Variants in TTC28 observed in about 807,000 individuals in gnomAD.
TTC28 encodes tetratricopeptide repeat domain 28.
Under a neutral mutation model 198.0 loss-of-function variants are expected in TTC28, and 61 were observed. The observed-to-expected ratio is 0.31, with a 90% CI of 0.25 to 0.38. The LOEUF is 0.38. Ranked by LOEUF, TTC28 falls within the 10% of genes least tolerant of loss-of-function variation. TTC28 has a pLI of 1.00. For synonymous variants in TTC28, 1,171 were observed against 1,297.8 expected, an observed-to-expected ratio of 0.90 and a Z score of 2.10; for missense variants, 2,678 against 3,164.0, an observed-to-expected ratio of 0.85 and a Z score of 3.69.
At chr22:28,365,267 G>C (rs1276246322) in intron 2 of TTC28, among the ~76,000 whole-genome samples, 1 of 152,168 alleles carries the variant, frequency 6.6e-6, no homozygotes, top group Non-Finnish European at 1.5e-5. Context: ...ACACTTAATA[G>C]ACTACATTAC....
intron 12 of TTC28, among the ~76,000 whole-genome samples, chr22:28,033,851 C>T (rs972533767): frequency 2.0e-5 from 3 of 152,168 alleles, no homozygotes; most frequent in African/African-American, 7.2e-5. Context: ...CCCAGACACT[C>T]AGCTGGGGCT....
chr22:28,652,042 A>G lies in TTC28; in HGVS notation c.103-22212T>C, dbSNP rs565155244. Among the ~76,000 whole-genome samples, 6 of 148,660 alleles carry G rather than the reference A, an allele frequency of 4.0e-5. No individual in the cohort carries two copies. In the East Asian group the frequency reaches 1.0e-3, roughly 26 times the overall value. On this transcript the variant is annotated intron_variant, in intron 1 of 22. Transcript: ENST00000397906. ...TTTAGTAGAGACAGGGTTTCACCAC[A>G]TTGGCCAGGCTGGTCTCGAACTCCT... is the stretch of plus-strand genomic sequence containing the variant.
chr22:28,141,906 CAA>C (rs766424172), intron 6 of TTC28, among the ~76,000 whole-genome samples: 2 of 152,030 alleles, frequency 1.3e-5, no homozygotes, highest in African/African-American at 2.4e-5. Context: ...TTTATTACAC[CAA>C]AAGAGTCTCT....
chr22:28,233,016 C>T (rs1360235016), intron 5 of TTC28, among the ~76,000 whole-genome samples: 2 of 151,752 alleles, frequency 1.3e-5, no homozygotes, highest in African/African-American at 4.8e-5. Flanking sequence ...GCAGGAGAAT[C>T]GCTTGAACCC....
intron 2 of TTC28, among the ~76,000 whole-genome samples, chr22:28,577,055 T>C (rs925270037): frequency 6.6e-6 from 1 of 152,054 alleles, no homozygotes; most frequent in African/African-American, 2.4e-5. Flanking sequence ...TAAAGATGCA[T>C]TGTTAGATTG....
chr22:27,988,370 C>G (rs778812056), intron 21 of TTC28, among the ~76,000 whole-genome samples: 9 of 151,102 alleles, frequency 6.0e-5, no homozygotes, highest in Non-Finnish European at 1.2e-4. Context: ...TCACAGCAAC[C>G]TCCGCCTCCT....
At position 28,001,536 on chromosome 22, in the gene TTC28, G is replaced by A. The variant is rs899892658; in HGVS notation, c.4236C>T (p.Ser1412=). 3.9e-5 allele frequency: 61 copies of A among 1,550,826 alleles called. No homozygotes were observed. The highest frequency in any genetic ancestry group is 3.6e-5 in the Non-Finnish European group (41 of 1,146,816). The change falls in exon 15 of 23, where the codon AGC becomes AGT. Residue 1412 remains serine, a synonymous_variant. Coordinates refer to ENST00000397906, the MANE Select transcript of TTC28 (RefSeq NM_001145418.2). ...APMEGGLMHS[S]GPVGRHRQLI... ...GCTGCCGGTGCCGGCCCACGGGGCC[G>A]CTGGAGTGCATCAGGCCCTATGGAG... is the stretch of plus-strand genomic sequence containing the variant.
chr22:28,336,219 T>C (rs902337177), intron 2 of TTC28, among the ~76,000 whole-genome samples: 1 of 152,228 alleles, frequency 6.6e-6, no homozygotes, highest in African/African-American at 2.4e-5. Flanking sequence ...AGCTTGTTGA[T>C]GTGCTGCTGG....
At position 28,515,557 on chromosome 22, in the gene TTC28, C is replaced by T. The variant is rs1601496166; in HGVS notation, c.381+113995G>A. On this transcript the variant is annotated intron_variant, in intron 2 of 22. Coordinates refer to ENST00000397906, the MANE Select transcript of TTC28 (RefSeq NM_001145418.2). Reference sequence around the variant, plus strand: ...AAATAGCAGAGCTCTCGAGCACAAACTGTTCAGGGTTTTAAGGTAAATGTC... The same window carrying T: ...AAATAGCAGAGCTCTCGAGCACAAATTGTTCAGGGTTTTAAGGTAAATGTC... Among the ~76,000 whole-genome samples, 3 of 152,270 alleles carry T rather than the reference C, an allele frequency of 2.0e-5. No individual in the cohort carries two copies. The East Asian group carries it at 5.8e-4, about 29-fold the overall frequency.
intron 2 of TTC28, among the ~76,000 whole-genome samples, chr22:28,618,723 G>A (rs1024420640): frequency 6.7e-6 from 1 of 148,858 alleles, no homozygotes; most frequent in Non-Finnish European, 1.5e-5. Context: ...GTAGGATATC[G>A]AAACAATGAA....
intron 13 of TTC28, among the ~76,000 whole-genome samples, chr22:28,028,519 G>A (rs2076505): frequency 0.053 from 8,131 of 152,202 alleles, 376 homozygotes; most frequent in East Asian, 0.24. Context: ...AGGTCCTGGG[G>A]GAACTGGTTC....
intron 1 of TTC28, among the ~76,000 whole-genome samples, chr22:28,633,874 G>A (rs2051221158): frequency 6.6e-6 from 1 of 152,028 alleles, no homozygotes; most frequent in Admixed American, 6.6e-5. Context: ...ATCTGAGAGG[G>A]GGAAATACCA....
intron 5 of TTC28, among the ~76,000 whole-genome samples, chr22:28,259,280 T>G (rs1418762070): frequency 1.3e-5 from 2 of 152,154 alleles, no homozygotes; most frequent in Admixed American, 1.3e-4. Context: ...CTAGCCATAG[T>G]AGGTATTTAT....
chr22:28,280,491 A>T (rs1418645555), intron 5 of TTC28, among the ~76,000 whole-genome samples: 1 of 151,984 alleles, frequency 6.6e-6, no homozygotes, highest in African/African-American at 2.4e-5. Flanking sequence ...GGTATGCACC[A>T]CCATGCCTGG....
chr22:28,298,716 G>A (rs369216282), intron 3 of TTC28, among the ~76,000 whole-genome samples: 4 of 152,184 alleles, frequency 2.6e-5, no homozygotes, highest in South Asian at 2.1e-4. Flanking sequence ...CTCCCAAAGT[G>A]CTGAGATTAC....
intron 12 of TTC28, among the ~76,000 whole-genome samples, chr22:28,032,296 A>G (rs183673731): frequency 0.011 from 1,182 of 104,258 alleles, 42 homozygotes; most frequent in East Asian, 0.015. Flanking sequence ...GTGTGTGTGT[A>G]TATGTGTGTG....
intron 5 of TTC28, among the ~76,000 whole-genome samples, chr22:28,232,542 T>C (rs1928892452): frequency 6.6e-6 from 1 of 152,142 alleles, no homozygotes; most frequent in East Asian, 1.9e-4. Context: ...CATAATATGC[T>C]CCCTTTCTCT....
At chr22:28,262,965 G>A (rs940280692) in intron 5 of TTC28, among the ~76,000 whole-genome samples, 1 of 152,110 alleles carries the variant, frequency 6.6e-6, no homozygotes, top group African/African-American at 2.4e-5. Context: ...GAGAGGCATG[G>A]GTGGGTCATG....
rs1323788068 is a variant in TTC28 at position 28,005,665 on chromosome 22, G to T, written c.4219-4112C>A. ...GTCCCGTTGCCACCTTGCAGTCTCG[G>T]CCTGGTGATAATCTTCCCTCACTCC... On this transcript the variant is annotated intron_variant, in intron 14 of 22. Transcript: ENST00000397906. The surrounding 1 kb of genome is among the most constrained non-coding windows in gnomAD (Gnocchi z 4.9). Among the ~76,000 whole-genome samples the T allele has an allele frequency of 6.6e-6, 1 of 152,146 alleles. No individual in the cohort carries two copies. The highest frequency in any genetic ancestry group is 2.1e-4 in the South Asian group (1 of 4,836).
Sources: allele counts gnomAD v4.1 joint callset (sites outside exome capture counted in the v4.1 genomes callset), GRCh38; gene constraint gnomAD v4.1.1; non-coding constraint Gnocchi (gnomAD v3.1); transcripts MANE v1.5; gene names NCBI Gene and HGNC (gene_info 2026-07-23, HGNC 2026-07-21).